BCL11A: variants seen among roughly 807,000 people sequenced by gnomAD.
BCL11A encodes the protein B cell CLL/lymphoma 11A.
In BCL11A, 2 loss-of-function variants were observed where a neutral mutation model predicts 55.9. The ratio of observed to expected loss-of-function variants is 0.04; its 90% CI spans 0.01 to 0.11. The LOEUF (loss-of-function observed/expected upper bound fraction) is 0.11. BCL11A is among the 10% of genes least tolerant of loss of function. BCL11A has a pLI of 1.00. For missense variants in BCL11A, 817 were observed against 1,137.1 expected (o/e 0.72, Z 4.05); for synonymous variants, 465 against 473.4 (o/e 0.98, Z 0.23).
downstream of BCL11A, chr2:60,452,619 C>A: frequency 1.2e-6 from 2 of 1,614,002 alleles, no homozygotes; most frequent in Non-Finnish European, 1.7e-6. Context: ...AACTGCCACA[C>A]ATCTTGAGCT....
At chr2:60,543,746 T>C (rs1239440072) in intron 2 of BCL11A, 1 of 152,240 alleles carries the variant, frequency 6.6e-6, no homozygotes. Context: ...CAAGACTTTG[T>C]AATTATTCAT....
At chr2:60,549,337 G>A (rs1445946559) in intron 1 of BCL11A, among the ~76,000 whole-genome samples, 1 of 152,210 alleles carries the variant, frequency 6.6e-6, no homozygotes, top group Non-Finnish European at 1.5e-5. Context: ...CGGAGGGGGA[G>A]GGGGAAAGGG....
intron 2 of BCL11A, among the ~76,000 whole-genome samples, chr2:60,538,722 T>C (rs1403979899): frequency 2.3e-5 from 1 of 44,088 alleles, no homozygotes; most frequent in Admixed American, 2.5e-4. Context: ...ACTGAATGTC[T>C]CTCTCTCTCT....
intron 1 of BCL11A, among the ~76,000 whole-genome samples, chr2:60,552,900 G>T (rs949861830): frequency 6.6e-6 from 1 of 151,896 alleles, no homozygotes; most frequent in East Asian, 1.9e-4. Flanking sequence ...GGCGGGGGGG[G>T]AGTGGAATCA....
intron 2 of BCL11A, among the ~76,000 whole-genome samples, chr2:60,492,353 C>T (rs969922827): frequency 1.7e-4 from 26 of 151,254 alleles, no homozygotes; most frequent in African/African-American, 6.1e-4. Context: ...GGCAACACAG[C>T]GAGACCCTGT....
At chr2:60,484,397 C>T (rs1028863236) in intron 2 of BCL11A, 1 of 152,322 alleles carries the variant, frequency 6.6e-6, no homozygotes, top group African/African-American at 2.4e-5. Flanking sequence ...CCTCTGTTTC[C>T]AGCATCTTCT....
intron 2 of BCL11A, among the ~76,000 whole-genome samples, chr2:60,479,611 C>G (rs1166347008): frequency 6.6e-6 from 1 of 152,216 alleles, no homozygotes; most frequent in Non-Finnish European, 1.5e-5. Flanking sequence ...CCCTGTCAGG[C>G]GGTGGAGAGT....
intron 2 of BCL11A, among the ~76,000 whole-genome samples, chr2:60,482,750 G>T (rs959265650): frequency 2.0e-5 from 3 of 152,212 alleles, no homozygotes; most frequent in African/African-American, 4.8e-5. Context: ...TATTTTGAAG[G>T]ACAGGTTAGT....
chr2:60,453,517 C>G (rs574542627), downstream of BCL11A, among the ~76,000 whole-genome samples: 22 of 152,340 alleles, frequency 1.4e-4, no homozygotes, highest in African/African-American at 4.3e-4. Context: ...CTCAGCTGCT[C>G]TCACGCATCC....
downstream of BCL11A, among the ~76,000 whole-genome samples, chr2:60,453,982 T>G (rs2103754292): frequency 6.6e-6 from 1 of 152,228 alleles, no homozygotes; most frequent in East Asian, 1.9e-4. Context: ...CTTTCCCATT[T>G]GGAAGGGAGG....
intron 3 of BCL11A, among the ~76,000 whole-genome samples, chr2:60,462,878 C>T (rs1676394261): frequency 6.6e-6 from 1 of 152,156 alleles, no homozygotes. Context: ...GCTTTCTATT[C>T]CCCCCTGGGT....
intron 3 of BCL11A, among the ~76,000 whole-genome samples, chr2:60,468,077 ATGG>A (rs1239648926): frequency 2.0e-5 from 2 of 97,798 alleles, no homozygotes; most frequent in African/African-American, 8.1e-5. Context: ...GGTGGTAGTG[ATGG>A]TGGTGGTTGT....
At chr2:60,506,455 C>T (rs894670398) in intron 2 of BCL11A, among the ~76,000 whole-genome samples, 1 of 152,350 alleles carries the variant, frequency 6.6e-6, no homozygotes. Context: ...TCAACCCGAG[C>T]GCACCAGTCC....
Position 60,553,265 on chromosome 2 carries a change from A to T in BCL11A, c.6T>A (p.Ser2=). 1 of 1,585,404 alleles carries T rather than the reference A, an allele frequency of 6.3e-7. No homozygotes were observed. Among genetic ancestry groups the T allele is most frequent in the African/African-American group, 1.4e-5 (1 of 72,236 alleles). Residue 2 remains serine (S), a synonymous_variant, in exon 1 of 4, where the codon TCT becomes TCA. Transcript: ENST00000642384. ...GCTGGGGTTTGCCTTGCTTGCGGCG[A>T]GACATGGTGGGCTGCGGGGCGGGCG... M[S]RRKQGKPQHL... is the part of the protein sequence containing the mutation.
intron 2 of BCL11A, among the ~76,000 whole-genome samples, chr2:60,511,405 T>A (rs1162897611): frequency 3.3e-5 from 5 of 152,252 alleles, no homozygotes; most frequent in Non-Finnish European, 7.3e-5. Context: ...AATGTCATTC[T>A]ATGTGACTCC....
intron 2 of BCL11A, among the ~76,000 whole-genome samples, chr2:60,498,251 AC>A (rs1464795168): frequency 1.3e-5 from 2 of 151,946 alleles, no homozygotes; most frequent in Non-Finnish European, 2.9e-5. Flanking sequence ...GATAATGCCA[AC>A]AGTGATAACC....
At chr2:60,552,897 G>C (rs999753060) in intron 1 of BCL11A, among the ~76,000 whole-genome samples, 6 of 152,008 alleles carry the variant, frequency 3.9e-5, no homozygotes, top group African/African-American at 7.3e-5. Context: ...CGGGGCGGGG[G>C]GGGAGTGGAA....
chr2:60,467,088 T>A (rs1357041645), intron 3 of BCL11A, among the ~76,000 whole-genome samples: 3 of 149,488 alleles, frequency 2.0e-5, no homozygotes, highest in Non-Finnish European at 4.5e-5. Context: ...GTGGTGGTGG[T>A]GGTGGTGATG....
chr2:60,470,091 G>T (rs564282519), intron 2 of BCL11A, among the ~76,000 whole-genome samples: 31 of 152,134 alleles, frequency 2.0e-4, no homozygotes, highest in Admixed American at 5.9e-4. Flanking sequence ...ATTTCCTTTC[G>T]CAAGGAGCCT....
Sources: gnomAD v4.1 joint callset for allele counts (sites outside exome capture counted in the v4.1 genomes callset) on GRCh38, gnomAD v4.1.1 for gene constraint, MANE v1.5 for transcripts, NCBI Gene and HGNC (gene_info 2026-07-23, HGNC 2026-07-21) for gene names.